The following SPOUT1 variants were observed in gnomAD, a reference collection of about 807,000 sequenced individuals.
SPOUT1 encodes the protein SPOUT domain containing methyltransferase 1, also known as 28S rRNA (uridine-N(3))-methyltransferase.
SPOUT1 carries 40 observed loss-of-function variants against 54.8 expected under a neutral mutation model. The ratio of observed to expected loss-of-function variants is 0.73; its 90% CI spans 0.57 to 0.95. The LOEUF is 0.95. Ranked by LOEUF, SPOUT1 falls within the 40% of genes least tolerant of loss-of-function variation. SPOUT1 has a pLI of 0.00. For missense variants in SPOUT1, 437 were observed against 499.5 expected (o/e 0.87, Z 1.19); for synonymous variants, 193 against 200.3 (o/e 0.96, Z 0.31).
chr9:128,822,635 G>A lies in SPOUT1; in HGVS notation c.*130C>T. The A allele has an allele frequency of 6.4e-7, 1 of 1,560,760 alleles. No individual in the cohort carries two copies. ...AGGGTGGAGCCCAGTGAGACTGTGG[G>A]TGTGTGCAGGCCGGGGAGTATTAAA... On this transcript the variant is annotated 3_prime_UTR_variant, in exon 12 of 12. Coordinates refer to ENST00000361256, the MANE Select transcript of SPOUT1 (RefSeq NM_016390.4).
chr9:128,820,842 T>C lies in SPOUT1; in HGVS notation c.*1923A>G, dbSNP rs771057670. ...TATGTCTGCACAGGGCCACTCTTCC[T>C]GCCCAGGTAAGGTGGAAACCAGGGG... On this transcript the variant is annotated 3_prime_UTR_variant, in exon 12 of 12. Coordinates refer to ENST00000361256, the MANE Select transcript of SPOUT1 (RefSeq NM_016390.4). 14 of 1,607,702 alleles carry C rather than the reference T, an allele frequency of 8.7e-6. No individual in the cohort carries two copies. In the East Asian group the frequency reaches 2.7e-4, roughly 31 times the overall value.
intron 7 of SPOUT1, 66 bp downstream of exon 7, chr9:128,825,956 T>A: frequency 1.9e-6 from 3 of 1,605,970 alleles, no homozygotes; most frequent in Non-Finnish European, 2.6e-6. Flanking sequence ...GCAACATCCA[T>A]CTGCTTGCCC....
chr9:128,821,305 C>T lies in SPOUT1; in HGVS notation c.*1460G>A, dbSNP rs541548246. ...AGGTCCGAGGTGCACCGAGCTCTCC[C>T]GCCTTCCCCATGCAGGTCCCCAGTG... On this transcript the variant is annotated 3_prime_UTR_variant, in exon 12 of 12. Coordinates refer to ENST00000361256, the MANE Select transcript of SPOUT1 (RefSeq NM_016390.4). 1.6e-5 allele frequency: 3 copies of T among 193,400 alleles called. No homozygotes were observed. In the Admixed American group the frequency reaches 1.7e-4, roughly 11 times the overall value. The allele number at this position is 193,400 out of a possible 1,614,324, so 12.0% of individuals were successfully genotyped here.
At chr9:128,822,937 G>T (rs2977994) in intron 11 of SPOUT1, 104 bp from the exon 12 acceptor site, 514,310 of 788,222 alleles carry the variant, frequency 0.65, 174,819 homozygotes, top group Admixed American at 0.73. Flanking sequence ...GGCCCACTGG[G>T]GTCCCCTGTC....
intron 3 of SPOUT1, 66 bp from the exon 4 acceptor site, chr9:128,827,257 C>T: frequency 6.9e-7 from 1 of 1,448,532 alleles, no homozygotes; most frequent in Non-Finnish European, 9.4e-7. Flanking sequence ...TCTCTCCCTT[C>T]CTCTGTCCCT....
Position 128,821,074 on chromosome 9 carries a change from A to C in SPOUT1, c.*1691T>G. 1.8e-6 allele frequency: 1 copy of C among 555,052 alleles called. No homozygotes were observed. Among genetic ancestry groups the C allele is most frequent in the Non-Finnish European group, 3.2e-6 (1 of 310,236 alleles). The allele number at this position is 555,052 out of a possible 1,614,324, so 34.4% of individuals were successfully genotyped here. A position where few individuals can be genotyped will look rare whatever the true frequency, so the allele number is the denominator to read the frequency against. On this transcript the variant is annotated 3_prime_UTR_variant, in exon 12 of 12. Coordinates refer to ENST00000361256, the MANE Select transcript of SPOUT1 (RefSeq NM_016390.4). ...CATCTCTCCTCTGCCCATGGGCAGC[A>C]GCAGGCCCTGAATCTGCCCCCGCTT... is the stretch of plus-strand genomic sequence containing the variant.
chr9:128,828,683 G>A, intron 3 of SPOUT1, 52 bp downstream of exon 3: 1 of 1,603,248 alleles, frequency 6.2e-7, no homozygotes, highest in Non-Finnish European at 8.5e-7. Flanking sequence ...TCTGCCTGCA[G>A]GACAACTACC....
In SPOUT1 at chr9:128,829,159, G is replaced by T. The variant is rs1229083175; in HGVS notation, c.37-4C>A. On this transcript the variant is annotated splice_polypyrimidine_tract_variant and splice_region_variant and intron_variant, in intron 1 of 11. Coordinates refer to ENST00000361256, the MANE Select transcript of SPOUT1 (RefSeq NM_016390.4). ...CAATCCTTTGGCCGTGTTCACCCTG[G>T]AGAAGGAGTGGTAGGAGGATTATGA... The T allele has an allele frequency of 2.5e-6, 4 of 1,613,342 alleles. No homozygotes were observed. The African/African-American group carries it at 5.3e-5, about 22-fold the overall frequency.
At chr9:128,823,949 A>G in intron 10 of SPOUT1, 55 bp from the exon 11 acceptor site, 1 of 1,603,502 alleles carries the variant, frequency 6.2e-7, no homozygotes, top group Non-Finnish European at 8.5e-7. Context: ...CACCCAGCAC[A>G]GCGCCCAGAC....
intron 10 of SPOUT1, 54 bp from the exon 11 acceptor site, chr9:128,823,948 C>T: frequency 6.2e-7 from 1 of 1,604,222 alleles, no homozygotes; most frequent in Admixed American, 1.7e-5. Context: ...CCACCCAGCA[C>T]AGCGCCCAGA....
chr9:128,828,329 C>T (rs1830279708), intron 3 of SPOUT1, among the ~76,000 whole-genome samples: 2 of 152,068 alleles, frequency 1.3e-5, no homozygotes, highest in South Asian at 4.1e-4. Flanking sequence ...AACCACGTCT[C>T]TACTAAAAAT....
Position 128,821,700 on chromosome 9 carries a change from G to A in SPOUT1, c.*1065C>T, listed in dbSNP as rs945833569. 1.9e-5 allele frequency: 3 copies of A among 159,808 alleles called. No individual in the cohort carries two copies. The highest frequency in any genetic ancestry group is 1.2e-4 in the Admixed American group (2 of 16,854). 9.9% of individuals were successfully genotyped at this position (159,808 alleles called of 1,614,324 possible). A position where few individuals can be genotyped will look rare whatever the true frequency, so the allele number is the denominator to read the frequency against. On this transcript the variant is annotated 3_prime_UTR_variant, in exon 12 of 12. Coordinates refer to ENST00000361256, the MANE Select transcript of SPOUT1 (RefSeq NM_016390.4). ...CTGGAATCCACAGGCTCGGGATGGA[G>A]TCCAGGCCTCATCACCTAGTTCCTT...
chr9:128,822,276 G>A lies in SPOUT1; in HGVS notation c.*489C>T. 1.3e-6 allele frequency: 2 copies of A among 1,584,448 alleles called. No homozygotes were observed. The highest frequency in any genetic ancestry group is 4.5e-5 in the East Asian group (2 of 44,532). ...CAGGGAAGGCTGCCTGGAAGAGGTG[G>A]CTTTGGGTTCATCCAGGCCCCCTGC... On this transcript the variant is annotated 3_prime_UTR_variant, in exon 12 of 12. Coordinates refer to ENST00000361256, the MANE Select transcript of SPOUT1 (RefSeq NM_016390.4).
chr9:128,826,541 GT>G lies in SPOUT1; in HGVS notation c.456del (p.Gln153SerfsTer3). 6.2e-7 allele frequency: 1 copy of G among 1,611,666 alleles called. No individual in the cohort carries two copies. The highest frequency in any genetic ancestry group is 8.5e-7 in the Non-Finnish European group (1 of 1,178,504). ...TGCTTAGGGGAGTGACCCCCTTACT[GT>G]GGACACTCCAGGTACTGCAGGATCC... ...LARILQYLEC[P>X]QYLRKAFFPK... On this transcript the variant is annotated frameshift_variant and splice_region_variant, in exon 5 of 12. Coordinates refer to ENST00000361256, the MANE Select transcript of SPOUT1 (RefSeq NM_016390.4). LOFTEE classifies it high-confidence loss of function. This position sits in a 1 kb window ranked among gnomAD's most constrained non-coding sequence, Gnocchi z 5.5.
chr9:128,825,126 G>T, intron 7 of SPOUT1, 77 bp from the exon 8 acceptor site: 1 of 1,111,362 alleles, frequency 9.0e-7, no homozygotes. Context: ...GATGCCACCA[G>T]GGGAGCCCCG....
rs1830314479 is a variant in SPOUT1 at position 128,829,691 on chromosome 9, G to A, written c.36+54C>T. The A allele has an allele frequency of 2.8e-6, 4 of 1,405,532 alleles. No homozygotes were observed. The East Asian group carries it at 9.7e-5, about 34-fold the overall frequency. The allele number at this position is 1,405,532 out of a possible 1,614,324, so 87.1% of individuals were successfully genotyped here. ...CCCGGCGAAGGCCCCCACGCCACTG[G>A]TTCTCACGCCTCCACCATGCTGCCC... On this transcript the variant is annotated intron_variant, in intron 1 of 11. Coordinates refer to ENST00000361256, the MANE Select transcript of SPOUT1 (RefSeq NM_016390.4).
At position 128,826,365 on chromosome 9, in the gene SPOUT1, C is replaced by T. The variant is rs199659200; in HGVS notation, c.508+19G>A. 5.4e-5 allele frequency: 87 copies of T among 1,610,908 alleles called. No individual in the cohort carries two copies. Among genetic ancestry groups the T allele is most frequent in the Non-Finnish European group, 6.4e-5 (75 of 1,178,242 alleles). ...GCATGATCCAGGGGAAATGGGGGGG[C>T]GGGCCCATACAGCGTTACCTGCAAA... On this transcript the variant is annotated intron_variant, in intron 6 of 11. Transcript: ENST00000361256. This position sits in a 1 kb window ranked among gnomAD's most constrained non-coding sequence, Gnocchi z 5.5.
chr9:128,827,506 C>T (rs1184430318), intron 3 of SPOUT1, among the ~76,000 whole-genome samples: 1 of 152,240 alleles, frequency 6.6e-6, no homozygotes, highest in Non-Finnish European at 1.5e-5. Flanking sequence ...AAGCTGATAT[C>T]TAATAAGTCT....
intron 9 of SPOUT1, among the ~76,000 whole-genome samples, 159 bp from the exon 10 acceptor site, chr9:128,824,333 G>C (rs1023393159): frequency 6.6e-6 from 1 of 151,666 alleles, no homozygotes; most frequent in Non-Finnish European, 1.5e-5. Context: ...TGGGTGGGTA[G>C]AGCTCTGCCT....
Sources: gnomAD v4.1 joint callset for allele counts (sites outside exome capture counted in the v4.1 genomes callset) on GRCh38, gnomAD v4.1.1 for gene constraint, Gnocchi (gnomAD v3.1) non-coding constraint, MANE v1.5 for transcripts, NCBI Gene and HGNC (gene_info 2026-07-23, HGNC 2026-07-21) for gene names.